SYNE2: variants seen among roughly 807,000 people sequenced by gnomAD.
The protein encoded by SYNE2 is nesprin-2.
A neutral mutation model predicts 856.3 loss-of-function variants in SYNE2; 431 were observed. The ratio of observed to expected loss-of-function variants is 0.50; its 90% confidence interval spans 0.47 to 0.55. SYNE2 has a LOEUF of 0.55. Ranked by LOEUF, SYNE2 falls within the 20% of genes least tolerant of loss-of-function variation. SYNE2 has a pLI of 0.00. For synonymous variants in SYNE2, 2,923 were observed against 2,872.3 expected, an observed-to-expected ratio of 1.02 and a Z score of -0.56; for missense variants, 8,129 against 8,023.2, an observed-to-expected ratio of 1.01 and a Z score of -0.50.
At chr14:64,110,596 C>A (rs909361765) in intron 65 of SYNE2, among the ~76,000 whole-genome samples, 4 of 142,284 alleles carry the variant, frequency 2.8e-5, no homozygotes, top group African/African-American at 8.0e-5. Flanking sequence ...ACACCCCCCC[C>A]CCCCCGCCAA....
chr14:64,013,594 G>A (rs1268293181), intron 32 of SYNE2, among the ~76,000 whole-genome samples: 3 of 152,224 alleles, frequency 2.0e-5, no homozygotes, highest in Non-Finnish European at 2.9e-5. Context: ...GACTTTCTGA[G>A]TTATTTCTCT....
intron 84 of SYNE2, among the ~76,000 whole-genome samples, chr14:64,152,184 A>G (rs563320569): frequency 1.3e-3 from 199 of 152,170 alleles, no homozygotes; most frequent in Non-Finnish European, 2.4e-3. Flanking sequence ...ATTTTATTTG[A>G]GTTCTTAGCT....
chr14:63,910,841 TC>T (rs2095464567), intron 2 of SYNE2, among the ~76,000 whole-genome samples: 2 of 152,180 alleles, frequency 1.3e-5, no homozygotes, highest in African/African-American at 4.8e-5. Flanking sequence ...ACTTTCTTTT[TC>T]TAGGTTTATG....
In SYNE2 at chr14:64,125,143, A is replaced by T; in HGVS notation, c.13487A>T (p.Glu4496Val). 5 of 1,614,216 alleles carry T rather than the reference A, an allele frequency of 3.1e-6. No individual in the cohort carries two copies. The highest frequency in any genetic ancestry group is 4.2e-6 in the Non-Finnish European group (5 of 1,180,036). Residue 4496 changes from glutamate (E) to valine (V), a missense_variant, in exon 71 of 116, where the codon GAA (glutamate) becomes GTA (valine). By Grantham distance (121) the Glu-to-Val change is moderately radical (BLOSUM62 -2). Coordinates refer to ENST00000555002, the MANE Select transcript of SYNE2 (RefSeq NM_182914.3). ...TMYNFRYPTTEELKTYTTQLE... is the reference protein window; with the variant it reads ...TMYNFRYPTTVELKTYTTQLE... ...TATAACTTTAGATACCCAACAACTG[A>T]AGAACTGAAAACCTATACCACCCAA...
chr14:64,125,012 AAAAT>A (rs2097928487), intron 70 of SYNE2, 63 bp from the exon 71 acceptor site: 2 of 1,596,976 alleles, frequency 1.3e-6, no homozygotes, highest in Admixed American at 1.7e-5. Flanking sequence ...CGAAAATAAA[AAAAT>A]AAATTAATTA....
chr14:64,020,244 C>A, intron 35 of SYNE2, 151 bp downstream of exon 35: 1 of 641,454 alleles, frequency 1.6e-6, no homozygotes, highest in South Asian at 1.9e-5. Context: ...CAGGGGTGTC[C>A]TGTCTTTTGG....
intron 105 of SYNE2, 50 bp from the exon 106 acceptor site, chr14:64,214,144 G>A (rs1442512503): frequency 6.2e-7 from 1 of 1,613,968 alleles, no homozygotes; most frequent in South Asian, 1.1e-5. Context: ...TCTTCTAATT[G>A]CAGAAGCCTA....
rs937055548 is a variant in SYNE2, at chr14:64,165,210, G to T, written c.16480-75G>T. Reference sequence around the variant, plus strand: ...CCAAAAACATCTTGAATTTTTAGCAGCTCCCAAGCCTGTGTTTAATTCTGT... The same window carrying T: ...CCAAAAACATCTTGAATTTTTAGCATCTCCCAAGCCTGTGTTTAATTCTGT... On this transcript the variant is annotated intron_variant, in intron 89 of 115. Transcript: ENST00000555002. 3.3e-6 allele frequency: 5 copies of T among 1,518,766 alleles called. No homozygotes were observed. The African/African-American group carries it at 6.9e-5, about 21-fold the overall frequency. The allele number at this position is 1,518,766 out of a possible 1,614,324, so 94.1% of individuals were successfully genotyped here. A position where few individuals can be genotyped will look rare whatever the true frequency, so the allele number is the denominator to read the frequency against.
In SYNE2 at chr14:64,126,441, T is replaced by C. The variant is rs1447390998; in HGVS notation, c.13669T>C (p.Tyr4557His). Residue 4557 changes from tyrosine to histidine, a missense_variant, in exon 72 of 116, where the codon TAC (tyrosine) becomes CAC (histidine). Physicochemically the swap from Tyr to His is moderately conservative, Grantham distance 83. Transcript: ENST00000555002. ...VEEMLEMPRLYREDGSGQQVH... is the reference protein window; with the variant it reads ...VEEMLEMPRLHREDGSGQQVH... ...GGAGATGCTGGAGATGCCCAGACTTTACAGGGAGGATGGTTCTGGCCAGCA... is the reference window on the plus strand; with the variant it reads ...GGAGATGCTGGAGATGCCCAGACTTCACAGGGAGGATGGTTCTGGCCAGCA... The C allele has an allele frequency of 6.2e-6, 10 of 1,614,006 alleles. No homozygotes were observed. Among genetic ancestry groups the C allele is most frequent in the South Asian group, 1.1e-5 (1 of 91,084 alleles).
At chr14:64,000,484 T>G (rs1200115167) in intron 27 of SYNE2, 78 bp from the exon 28 acceptor site, 2 of 1,315,014 alleles carry the variant, frequency 1.5e-6, no homozygotes, top group Middle Eastern at 1.8e-4. Flanking sequence ...AGTTGGTGAA[T>G]GTCTCATGTT....
rs2098648256 is a variant in SYNE2 at position 64,212,811 on chromosome 14, G to A, written c.18862G>A (p.Gly6288Ser). Reference protein sequence around the residue: ...DADDKMRQLNGFQQEITLNTN... With the variant: ...DADDKMRQLNSFQQEITLNTN... Reference sequence around the variant, plus strand: ...TCCTTTCTTTCTCCTCTCTCAACAGGGCTTCCAACAGGAAATTACATTAAA... The same window carrying A: ...TCCTTTCTTTCTCCTCTCTCAACAGAGCTTCCAACAGGAAATTACATTAAA... The change falls in exon 105 of 116, where the codon GGC (glycine) becomes AGC (serine). Residue 6288 changes from glycine (G) to serine (S), a missense_variant and splice_region_variant. Physicochemically the swap from Gly to Ser is moderately conservative, Grantham distance 56 (BLOSUM62 0). Around this residue, in one of 3 missense-constraint regions of SYNE2, gnomAD observed 5,410 missense variants for 5,284.8 expected, o/e 1.02. Transcript: ENST00000555002. 1.2e-6 allele frequency: 2 copies of A among 1,614,004 alleles called. No homozygotes were observed. Among genetic ancestry groups the A allele is most frequent in the Non-Finnish European group, 1.7e-6 (2 of 1,179,982 alleles).
At position 64,003,225 on chromosome 14, in the gene SYNE2, C is replaced by T. The variant is rs1409410582; in HGVS notation, c.4292C>T (p.Ala1431Val). The T allele has an allele frequency of 1.2e-6, 2 of 1,613,592 alleles. No individual in the cohort carries two copies. Among genetic ancestry groups the T allele is most frequent in the Admixed American group, 3.3e-5 (2 of 59,964 alleles). ...EFTEENKLLE[A>V]CIFKNNELLK... ...ACTGAGGAAAACAAATTACTAGAGGCTTGTATTTTCAAAAATAATGAACTC... is the reference window on the plus strand; with the variant it reads ...ACTGAGGAAAACAAATTACTAGAGGTTTGTATTTTCAAAAATAATGAACTC... Residue 1431 changes from alanine to valine, a missense_variant, in exon 30 of 116, where the codon GCT becomes GTT. Ala to Val is a moderately conservative substitution (Grantham distance 64, BLOSUM62 0). Around this residue, in one of 3 missense-constraint regions of SYNE2, gnomAD observed 2,422 missense variants for 2,357.4 expected, o/e 1.03. Coordinates refer to ENST00000555002, the MANE Select transcript of SYNE2 (RefSeq NM_182914.3).
At chr14:63,907,350 A>G (rs961978225) in intron 1 of SYNE2, among the ~76,000 whole-genome samples, 2 of 152,204 alleles carry the variant, frequency 1.3e-5, no homozygotes, top group African/African-American at 4.8e-5. Context: ...TTAGAGCATG[A>G]ACTCTGAAGC....
chr14:64,152,834 T>C, intron 85 of SYNE2, 118 bp downstream of exon 85: 4 of 1,339,980 alleles, frequency 3.0e-6, no homozygotes, highest in Non-Finnish European at 4.2e-6. Context: ...CACTGAAAAG[T>C]TGCTGAGAAA....
chr14:64,148,600 C>T lies in SYNE2; in HGVS notation c.15639+2377C>T, dbSNP rs548097097. Among the ~76,000 whole-genome samples, 27 of 152,322 alleles carry T rather than the reference C, an allele frequency of 1.8e-4. No individual in the cohort carries two copies. The South Asian group carries it at 5.0e-3, about 28-fold the overall frequency. On this transcript the variant is annotated intron_variant, in intron 84 of 115. Transcript: ENST00000555002. ...TCAATCAAAGCACCCTGACCCCCTC[C>T]CTCACCACGTGCCCACTGACTGTGC...
At chr14:64,212,191 G>A in intron 104 of SYNE2, 93 bp downstream of exon 104, 10 of 1,591,554 alleles carry the variant, frequency 6.3e-6, no homozygotes, top group Non-Finnish European at 8.6e-6. Flanking sequence ...TACTCTGAGA[G>A]CAAATTTCAG....
rs1047639884 is a variant in SYNE2, at chr14:64,126,478, A to T, written c.13706A>T (p.Glu4569Val). The T allele has an allele frequency of 4.3e-6, 7 of 1,613,996 alleles. No homozygotes were observed. Among genetic ancestry groups the T allele is most frequent in the African/African-American group, 1.3e-5 (1 of 74,912 alleles). Reference protein sequence around the residue: ...EDGSGQQVHYETLALELKKLY... With the variant: ...EDGSGQQVHYVTLALELKKLY... ...GGTTCTGGCCAGCAGGTGCACTACG[A>T]GGTAGGGCACTTCTCACGAGCCCAT... The change falls in exon 72 of 116, where the codon GAG (glutamate) becomes GTG (valine). Residue 4569 changes from glutamate to valine, a missense_variant and splice_region_variant. Glu to Val is a moderately radical substitution (Grantham distance 121). Around this residue, in one of 3 missense-constraint regions of SYNE2, gnomAD observed 5,410 missense variants for 5,284.8 expected, o/e 1.02. Transcript: ENST00000555002.
chr14:63,843,130 A>T (rs1035197958), intron 1 of SYNE2, among the ~76,000 whole-genome samples: 2 of 151,960 alleles, frequency 1.3e-5, no homozygotes, highest in African/African-American at 4.8e-5. Flanking sequence ...TCTACCTCCC[A>T]GGCTCAAGTG....
chr14:63,898,106 C>T (rs984916690), intron 1 of SYNE2, among the ~76,000 whole-genome samples: 1 of 152,136 alleles, frequency 6.6e-6, no homozygotes, highest in African/African-American at 2.4e-5. Flanking sequence ...TGTATGCAAA[C>T]CGTAATCATT....
Sources: gnomAD v4.1 joint callset for allele counts (sites outside exome capture counted in the v4.1 genomes callset) on GRCh38, gnomAD v4.1.1 for gene constraint, gnomAD v4.1.1 regional missense constraint, MANE v1.5 for transcripts, NCBI Gene and HGNC (gene_info 2026-07-23, HGNC 2026-07-21) for gene names.